Variants in WARS1 observed in about 807,000 individuals in gnomAD.
WARS1 encodes tryptophan--tRNA ligase, cytoplasmic.
Under a neutral mutation model 47.8 loss-of-function variants are expected in WARS1, and 17 were observed. The observed-to-expected ratio is 0.36, with a 90% confidence interval of 0.24 to 0.53. The LOEUF (loss-of-function observed/expected upper bound fraction) is 0.53, where lower values mean the gene tolerates loss of function less well. Ranked by LOEUF, WARS1 falls within the 20% of genes least tolerant of loss-of-function variation. WARS1 has a pLI of 0.91. For missense variants in WARS1, 434 were observed against 608.0 expected, an observed-to-expected ratio of 0.71 and a Z score of 3.01; for synonymous variants, 208 against 228.1, an observed-to-expected ratio of 0.91 and a Z score of 0.79.
intron 2 of WARS1, 26 bp downstream of exon 2, chr14:100,369,061 G>T: frequency 6.7e-7 from 1 of 1,491,786 alleles, no homozygotes; most frequent in Non-Finnish European, 9.1e-7. Context: ...AGCTGCCTTC[G>T]TGGAGAACCC....
At chr14:100,355,580 C>G (rs1464749909) in intron 4 of WARS1, among the ~76,000 whole-genome samples, 1 of 152,104 alleles carries the variant, frequency 6.6e-6, no homozygotes, top group Non-Finnish European at 1.5e-5. Flanking sequence ...GGGTGGGAAA[C>G]CAACGCTCGA....
rs368813835 is a variant in WARS1, at chr14:100,334,869, C to T, written c.*6G>A. The T allele has an allele frequency of 9.7e-5, 156 of 1,613,248 alleles. No individual in the cohort carries two copies. The highest frequency in any genetic ancestry group is 3.3e-4 in the Middle Eastern group (2 of 6,058). On this transcript the variant is annotated 3_prime_UTR_variant, in exon 11 of 11. Coordinates refer to ENST00000392882, the MANE Select transcript of WARS1 (RefSeq NM_004184.4). ...ACTTCTTTTATAAGCATATGTAAAA[C>T]GAGTGCTACTGAAAGTCGAAGGACA...
At chr14:100,353,601 T>A (rs1895132054) in intron 6 of WARS1, 86 bp downstream of exon 6, 6 of 1,487,186 alleles carry the variant, frequency 4.0e-6, no homozygotes, top group Non-Finnish European at 4.6e-6. Flanking sequence ...TAAGACCATT[T>A]CAGTTGTTTC....
chr14:100,365,408 C>T (rs1895908993), intron 2 of WARS1: 1 of 217,574 alleles, frequency 4.6e-6, no homozygotes, highest in African/African-American at 2.4e-5. Context: ...GGCAAGACCC[C>T]CTCTCTACTA....
chr14:100,337,978 T>C (rs7155068), intron 9 of WARS1, among the ~76,000 whole-genome samples: 105,070 of 152,018 alleles, frequency 0.69, 37,482 homozygotes, highest in Admixed American at 0.81. Context: ...GCAGTGTTAA[T>C]GGGGACAGGA....
chr14:100,347,138 CAG>C (rs1219110259), intron 6 of WARS1, among the ~76,000 whole-genome samples: 9 of 152,242 alleles, frequency 5.9e-5, no homozygotes, highest in Admixed American at 3.3e-4. Context: ...CAAGCAGATT[CAG>C]AGACTTGCAG....
Position 100,369,073 on chromosome 14 carries a change from G to A in WARS1, c.99+14C>T. On this transcript the variant is annotated intron_variant, in intron 2 of 10. Coordinates refer to ENST00000392882, the MANE Select transcript of WARS1 (RefSeq NM_004184.4). ...CTCAGCTGCCTTCGTGGAGAACCCA[G>A]CAAAATCATGTACCTTTGACGCATT... is the stretch of plus-strand genomic sequence containing the variant. 6.6e-7 allele frequency: 1 copy of A among 1,514,024 alleles called. No individual in the cohort carries two copies. The highest frequency in any genetic ancestry group is 1.9e-5 in the Admixed American group (1 of 53,084). The allele number at this position is 1,514,024 out of a possible 1,614,324, so 93.8% of individuals were successfully genotyped here.
intron 6 of WARS1, among the ~76,000 whole-genome samples, chr14:100,353,417 A>C (rs1895119479): frequency 1.0e-5 from 1 of 96,890 alleles, no homozygotes; most frequent in African/African-American, 3.6e-5. Flanking sequence ...CACCCAACTA[A>C]TTTTTGTATT....
Position 100,334,622 on chromosome 14 carries a change from C to T in WARS1, c.*253G>A, listed in dbSNP as rs1326896514. 5.4e-6 allele frequency: 2 copies of T among 367,384 alleles called. No homozygotes were observed. Among genetic ancestry groups the T allele is most frequent in the Non-Finnish European group, 9.9e-6 (2 of 201,814 alleles). 22.8% of individuals were successfully genotyped at this position (367,384 alleles called of 1,614,324 possible). A position where few individuals can be genotyped will look rare whatever the true frequency, so the allele number is the denominator to read the frequency against. On this transcript the variant is annotated 3_prime_UTR_variant, in exon 11 of 11. Transcript: ENST00000392882. ...TGTGGGGCTGCTTTGGGGAGAGACT[C>T]ACAGCTGGACTTCTCTATCCGACCA...
intron 2 of WARS1, among the ~76,000 whole-genome samples, chr14:100,363,522 C>G (rs942639856): frequency 1.3e-5 from 2 of 152,132 alleles, no homozygotes; most frequent in East Asian, 3.9e-4. Flanking sequence ...ATGGCAAAAC[C>G]CTGTCTCTAC....
intron 4 of WARS1, among the ~76,000 whole-genome samples, chr14:100,355,112 G>A (rs1343605276): frequency 6.6e-6 from 1 of 152,140 alleles, no homozygotes; most frequent in Non-Finnish European, 1.5e-5. Flanking sequence ...TCACTCAAGA[G>A]TCATCCCCCT....
At chr14:100,368,261 C>A in intron 2 of WARS1, 1 of 345,724 alleles carries the variant, frequency 2.9e-6, no homozygotes, top group Non-Finnish European at 5.7e-6. Flanking sequence ...AATATTAACT[C>A]CAGAGAAAAC....
In WARS1 at chr14:100,361,740, C is replaced by T. The variant is rs748585136; in HGVS notation, c.281G>A (p.Ser94Asn). The change falls in exon 3 of 11, where the codon AGT (serine) becomes AAT (asparagine). Residue 94 changes from serine to asparagine, a missense_variant. Ser to Asn is a conservative substitution (Grantham distance 46). Coordinates refer to ENST00000392882, the MANE Select transcript of WARS1 (RefSeq NM_004184.4). ...CTTATCGTAGTCTATGCCTTTTGCA[C>T]TGCTTGTCTGTACTGTCCATGGGTC... The part of the protein sequence containing the change: ...FVDPWTVQTS[S>N]AKGIDYDKLI... The T allele has an allele frequency of 1.2e-5, 20 of 1,614,160 alleles. No homozygotes were observed. Among genetic ancestry groups the T allele is most frequent in the South Asian group, 3.3e-5 (3 of 91,090 alleles).
intron 2 of WARS1, chr14:100,366,999 G>A: frequency 8.8e-7 from 1 of 1,133,400 alleles, no homozygotes; most frequent in Non-Finnish European, 1.3e-6. Flanking sequence ...TACTCGTCTG[G>A]TTTGTCCCTT....
rs369360306 is a variant in WARS1 at position 100,353,794 on chromosome 14, C to G, written c.618G>C (p.Leu206=). The G allele has an allele frequency of 6.2e-7, 1 of 1,614,164 alleles. No individual in the cohort carries two copies. The highest frequency in any genetic ancestry group is 2.2e-5 in the East Asian group (1 of 44,880). Residue 206 remains leucine (L), a synonymous_variant, in exon 6 of 11, where the codon CTG becomes CTC. Transcript: ENST00000392882. ...TDDEKYLWKD[L]TLDQAYSYAV... ...CATAGCTATAGGCCTGGTCCAGGGT[C>G]AGGTCCTTCCACAGATACTTCTCGT...
chr14:100,343,230 G>A lies in WARS1; in HGVS notation c.939+45C>T, dbSNP rs141392530. ...CGCTGAAGAGTAAGAGGAACCTGCT[G>A]TCAATGCCCCAGACTTAGAGAGCCT... On this transcript the variant is annotated intron_variant, in intron 8 of 10. Transcript: ENST00000392882. 4.9e-3 allele frequency: 7,493 copies of A among 1,520,764 alleles called. 30 individuals are homozygous for A. The highest frequency in any genetic ancestry group is 8.2e-3 in the Middle Eastern group (47 of 5,724). The allele number at this position is 1,520,764 out of a possible 1,614,324, so 94.2% of individuals were successfully genotyped here. A position where few individuals can be genotyped will look rare whatever the true frequency, so the allele number is the denominator to read the frequency against.
Position 100,353,983 on chromosome 14 carries a change from A to G in WARS1, c.543-114T>C, listed in dbSNP as rs1163084402. The G allele has an allele frequency of 1.8e-5, 16 of 895,748 alleles. No homozygotes were observed. In the Admixed American group the frequency reaches 4.2e-4, roughly 23 times the overall value. The allele number at this position is 895,748 out of a possible 1,614,324, so 55.5% of individuals were successfully genotyped here. The stretch of plus-strand genomic sequence containing the variant: ...AACGTATGTTAAAACTTCCTTGCCT[A>G]CAAAATCACAATTTGAATTGTGATA... On this transcript the variant is annotated intron_variant, in intron 5 of 10. Coordinates refer to ENST00000392882, the MANE Select transcript of WARS1 (RefSeq NM_004184.4).
At chr14:100,335,664 C>T (rs761752091) in intron 10 of WARS1, among the ~76,000 whole-genome samples, 6 of 152,134 alleles carry the variant, frequency 3.9e-5, no homozygotes, top group Non-Finnish European at 8.8e-5. Flanking sequence ...GGATTACAGG[C>T]GTGAGCCACT....
At chr14:100,366,920 T>C (rs1002205986) in intron 2 of WARS1, 2 of 1,604,974 alleles carry the variant, frequency 1.2e-6, no homozygotes, top group African/African-American at 2.7e-5. Context: ...GAAGCATCAC[T>C]GAAGATAATA....
Sources: gnomAD v4.1 joint callset for allele counts (sites outside exome capture counted in the v4.1 genomes callset) on GRCh38, gnomAD v4.1.1 for gene constraint, MANE v1.5 for transcripts, NCBI Gene and HGNC (gene_info 2026-07-23, HGNC 2026-07-21) for gene names.